DMD: variants seen among roughly 807,000 people sequenced by gnomAD.
DMD encodes the protein mutant dystrophin.
DMD carries 63 observed loss-of-function variants against 330.1 expected under a neutral mutation model. The observed-to-expected ratio is 0.19, with a 90% confidence interval of 0.16 to 0.24. The LOEUF (loss-of-function observed/expected upper bound fraction) is 0.24, where lower values mean the gene tolerates loss of function less well. Ranked by LOEUF, DMD falls within the 10% of genes least tolerant of loss-of-function variation. The probability of loss-of-function intolerance (pLI) is 1.00; values close to 1 mark genes in which losing one functional copy is unlikely to be tolerated. For missense variants in DMD, 3,344 were observed against 2,684.1 expected (o/e 1.25, Z -5.43); for synonymous variants, 1,223 against 959.8 (o/e 1.27, Z -5.07).
chrX:31,174,157 C>T (rs1053389914), intron 71 of DMD, among the ~76,000 whole-genome samples: 1 of 111,409 alleles, frequency 9.0e-6, no homozygotes, highest in Non-Finnish European at 1.9e-5. Context: ...TCTTCCAATT[C>T]AGCAGCAAGA....
chrX:31,927,581 A>G (rs1355534847), intron 47 of DMD, among the ~76,000 whole-genome samples: 1 of 111,621 alleles, frequency 9.0e-6, no homozygotes, highest in Non-Finnish European at 1.9e-5. Flanking sequence ...CCCTCCATAC[A>G]TAAAAGTCTG....
intron 2 of DMD, among the ~76,000 whole-genome samples, chrX:32,876,392 G>C (rs1229574673): frequency 2.7e-5 from 3 of 111,918 alleles, no homozygotes; most frequent in Admixed American, 9.4e-5. Context: ...TTCCTAAACC[G>C]TTCTTGTAAG....
chrX:31,341,891 G>GCGCGCGCACACA (rs374298104), intron 61 of DMD, among the ~76,000 whole-genome samples: 90 of 98,893 alleles, frequency 9.1e-4, no homozygotes, highest in African/African-American at 2.8e-3. Context: ...GTGCGCGCGC[G>GCGCGCGCACACA]CACACACACA....
intron 76 of DMD, among the ~76,000 whole-genome samples, chrX:31,135,787 T>C (rs1602050444): frequency 1.8e-5 from 2 of 112,735 alleles, no homozygotes; most frequent in Admixed American, 1.9e-4. Flanking sequence ...ATTCAAGCTC[T>C]GTTTGTTTTG....
At chrX:32,508,904 G>A (rs1354695317) in intron 18 of DMD, among the ~76,000 whole-genome samples, 4 of 109,913 alleles carry the variant, frequency 3.6e-5, no homozygotes, top group Non-Finnish European at 5.7e-5. Context: ...TCCGCCTCCC[G>A]GGTTCACGCC....
intron 9 of DMD, among the ~76,000 whole-genome samples, chrX:32,679,022 A>G (rs956110664): frequency 1.5e-4 from 17 of 112,319 alleles, no homozygotes; most frequent in African/African-American, 5.2e-4. Flanking sequence ...AAAAAGTAAG[A>G]TAAGTCTCAA....
At position 31,172,346 on chromosome X, in the gene DMD, A is replaced by T; in HGVS notation, c.10394+2T>A. 8.6e-7 allele frequency: 1 copy of T among 1,166,882 alleles called. No homozygotes were observed. The highest frequency in any genetic ancestry group is 1.2e-6 in the Non-Finnish European group (1 of 855,103). On this transcript the variant is annotated splice_donor_variant, in intron 73 of 78. Transcript: ENST00000357033. LOFTEE classifies it high-confidence loss of function. ...TTTTGTAAAAAGAGATGGGATACTT[A>T]CATGCTCTCATTAGGAGAGATGCTA...
At chrX:33,133,853 G>C (rs1290522313) in intron 1 of DMD, among the ~76,000 whole-genome samples, 1 of 111,660 alleles carries the variant, frequency 9.0e-6, no homozygotes, top group Non-Finnish European at 1.9e-5. Context: ...TTTGGATACT[G>C]TTCTTTTATT....
intron 62 of DMD, among the ~76,000 whole-genome samples, chrX:31,268,160 C>G (rs1024585568): frequency 2.7e-5 from 3 of 111,835 alleles, no homozygotes; most frequent in African/African-American, 9.8e-5. Context: ...CAAGTGCCTG[C>G]GATGACAGGT....
At chrX:32,451,325 T>C (rs756871890) in intron 26 of DMD, among the ~76,000 whole-genome samples, 7 of 111,127 alleles carry the variant, frequency 6.3e-5, no homozygotes, top group Non-Finnish European at 1.3e-4. Flanking sequence ...TACAAATTTA[T>C]TTGTGTATTT....
chrX:31,578,508 G>A (rs1042181192), intron 55 of DMD, among the ~76,000 whole-genome samples: 5 of 112,060 alleles, frequency 4.5e-5, no homozygotes, highest in Admixed American at 9.5e-5. Context: ...GGGTGGCCAG[G>A]GGAGAAAGAG....
chrX:31,410,387 G>A (rs2061585151), intron 60 of DMD, among the ~76,000 whole-genome samples: 1 of 111,982 alleles, frequency 8.9e-6, no homozygotes, highest in Non-Finnish European at 1.9e-5. Context: ...TATTTAAGGA[G>A]TTGTTCATTA....
At chrX:33,187,128 C>T (rs992630735) in intron 1 of DMD, among the ~76,000 whole-genome samples, 1 of 111,900 alleles carries the variant, frequency 8.9e-6, no homozygotes, top group Non-Finnish European at 1.9e-5. Flanking sequence ...TACCCATATA[C>T]ACATTAGAAT....
At chrX:32,841,861 TTATTAA>T (rs1258413559) in intron 4 of DMD, among the ~76,000 whole-genome samples, 1 of 112,009 alleles carries the variant, frequency 8.9e-6, no homozygotes, top group East Asian at 2.8e-4. Context: ...GAACTTGTTT[TTATTAA>T]TATTAACCAT....
At chrX:31,888,492 C>T (rs1288054463) in intron 47 of DMD, among the ~76,000 whole-genome samples, 1 of 111,653 alleles carries the variant, frequency 9.0e-6, no homozygotes, top group Non-Finnish European at 1.9e-5. Flanking sequence ...ATTAGTAATA[C>T]CAATTAAATA....
chrX:31,480,153 T>G (rs2068146030), intron 57 of DMD, among the ~76,000 whole-genome samples: 1 of 112,394 alleles, frequency 8.9e-6, no homozygotes, highest in African/African-American at 3.2e-5. Flanking sequence ...CTGCTGAATT[T>G]AAGCCCTGTT....
At chrX:33,086,847 G>A (rs996468546) in intron 1 of DMD, among the ~76,000 whole-genome samples, 108 of 109,048 alleles carry the variant, frequency 9.9e-4, no homozygotes, top group African/African-American at 3.3e-3. Flanking sequence ...GGAGATAAAG[G>A]AAGGGGGTTT....
chrX:32,775,841 C>T (rs1372458914), intron 7 of DMD, among the ~76,000 whole-genome samples: 1 of 113,044 alleles, frequency 8.8e-6, no homozygotes, highest in Non-Finnish European at 1.9e-5. Context: ...GCTTGACTTA[C>T]TCCCTAGAAA....
intron 9 of DMD, among the ~76,000 whole-genome samples, chrX:32,645,400 G>A (rs1486843520): frequency 8.9e-6 from 1 of 111,742 alleles, no homozygotes; most frequent in Non-Finnish European, 1.9e-5. Context: ...CTAGATTACT[G>A]GAAGGAGTAA....
Sources: allele counts gnomAD v4.1 joint callset (sites outside exome capture counted in the v4.1 genomes callset), GRCh38; gene constraint gnomAD v4.1.1; transcripts MANE v1.5; gene names NCBI Gene and HGNC (gene_info 2026-07-23, HGNC 2026-07-21).